Variants in SUMF1 observed in about 807,000 individuals in gnomAD.
SUMF1 encodes the protein formylglycine-generating enzyme.
In SUMF1, 48 loss-of-function variants were observed where a neutral mutation model predicts 47.6. The ratio of observed to expected loss-of-function variants is 1.01; its 90% CI spans 0.80 to 1.28. The LOEUF is 1.28. Among genes scored for constraint, SUMF1 ranks in the 50% most tolerant of loss-of-function variants. The pLI is 0.00. For synonymous variants in SUMF1, 230 were observed against 192.1 expected (o/e 1.20, Z -1.63); for missense variants, 571 against 485.4 (o/e 1.18, Z -1.66).
chr3:4,040,723 T>C (rs2125017230), intron 9 of SUMF1, among the ~76,000 whole-genome samples: 1 of 152,312 alleles, frequency 6.6e-6, no homozygotes. Context: ...GACAGTGAGC[T>C]TAATACAGTT....
At chr3:4,258,059 A>C (rs1454840043) in intron 8 of SUMF1, among the ~76,000 whole-genome samples, 4 of 151,654 alleles carry the variant, frequency 2.6e-5, no homozygotes, top group Non-Finnish European at 4.4e-5. Context: ...GGCTAGCCAT[A>C]TGCAGAAAGC....
At chr3:4,442,133 G>A (rs1316683934) in intron 3 of SUMF1, among the ~76,000 whole-genome samples, 3 of 152,198 alleles carry the variant, frequency 2.0e-5, no homozygotes, top group Admixed American at 6.5e-5. Context: ...GGAAAGCATG[G>A]AGGGACAGTT....
intron 9 of SUMF1, among the ~76,000 whole-genome samples, chr3:4,050,762 A>AG (rs1465368299): frequency 6.6e-6 from 1 of 151,010 alleles, no homozygotes; most frequent in Non-Finnish European, 1.5e-5. Context: ...AAAAAAAAAA[A>AG]AAAAGAAAGA....
intron 8 of SUMF1, among the ~76,000 whole-genome samples, chr3:4,271,541 G>T (rs1256579577): frequency 6.6e-6 from 1 of 152,002 alleles, no homozygotes; most frequent in African/African-American, 2.4e-5. Flanking sequence ...TCTCAACATT[G>T]CCCAGGCTGG....
intron 8 of SUMF1, among the ~76,000 whole-genome samples, chr3:4,168,914 C>T (rs1694770454): frequency 6.6e-6 from 1 of 152,142 alleles, no homozygotes. Flanking sequence ...ACTAATTGAG[C>T]ACATGCTATA....
intron 8 of SUMF1, among the ~76,000 whole-genome samples, chr3:4,300,171 T>C (rs1697934287): frequency 6.6e-6 from 1 of 152,156 alleles, no homozygotes; most frequent in Non-Finnish European, 1.5e-5. Context: ...TCTCACAAGA[T>C]CCGGTCATTT....
At chr3:4,336,179 T>C (rs1699149524) in intron 8 of SUMF1, among the ~76,000 whole-genome samples, 1 of 152,042 alleles carries the variant, frequency 6.6e-6, no homozygotes, top group Non-Finnish European at 1.5e-5. Flanking sequence ...AGGAGCATCT[T>C]TGACCTATGA....
At chr3:4,067,307 T>A (rs1254316401) in intron 9 of SUMF1, among the ~76,000 whole-genome samples, 1 of 152,180 alleles carries the variant, frequency 6.6e-6, no homozygotes, top group South Asian at 2.1e-4. Context: ...GGGATGACAC[T>A]ATATTCTAGC....
intron 9 of SUMF1, among the ~76,000 whole-genome samples, chr3:4,041,360 C>A (rs2125017684): frequency 6.6e-6 from 1 of 152,322 alleles, no homozygotes; most frequent in South Asian, 2.1e-4. Context: ...GCATGAGCCA[C>A]AGCACCCAGT....
chr3:4,224,455 T>G (rs749222414), intron 8 of SUMF1, among the ~76,000 whole-genome samples: 2 of 152,028 alleles, frequency 1.3e-5, no homozygotes, highest in African/African-American at 2.4e-5. Context: ...TAACAAACCC[T>G]GCCATGTGCA....
At chr3:4,068,611 A>T (rs748614903) in exon 9 of SUMF1, 63 of 420,958 alleles carry the variant, frequency 1.5e-4, no homozygotes, top group Non-Finnish European at 1.6e-4. Context: ...AACGTTCAAT[A>T]GCTGCATATT....
chr3:4,066,299 T>G (rs1312554498), intron 9 of SUMF1, among the ~76,000 whole-genome samples: 1 of 151,934 alleles, frequency 6.6e-6, no homozygotes, highest in East Asian at 1.9e-4. Flanking sequence ...CAAAAGATGG[T>G]TTTCATAAAA....
At chr3:4,407,259 T>A (rs891233229) in intron 7 of SUMF1, among the ~76,000 whole-genome samples, 9 of 152,194 alleles carry the variant, frequency 5.9e-5, no homozygotes, top group African/African-American at 2.2e-4. Flanking sequence ...TAACTTTTGC[T>A]CCCTGGAAAT....
chr3:4,458,786 G>T (rs1442985020), intron 1 of SUMF1, among the ~76,000 whole-genome samples: 1 of 152,124 alleles, frequency 6.6e-6, no homozygotes, highest in African/African-American at 2.4e-5. Context: ...AACCTGGGAG[G>T]CGGAGCTTGC....
chr3:4,190,232 G>A (rs1452671576), intron 8 of SUMF1, among the ~76,000 whole-genome samples: 3 of 151,430 alleles, frequency 2.0e-5, no homozygotes, highest in Non-Finnish European at 4.4e-5. Flanking sequence ...ATTAACACAG[G>A]AGCAGCTGGA....
intron 8 of SUMF1, among the ~76,000 whole-genome samples, chr3:4,135,575 G>A (rs915182606): frequency 2.0e-5 from 3 of 152,148 alleles, no homozygotes; most frequent in African/African-American, 7.2e-5. Flanking sequence ...AGACAGGGAT[G>A]CCCTCTGTCA....
chr3:4,411,142 AT>A (rs369666861), intron 6 of SUMF1, among the ~76,000 whole-genome samples, 164 bp from the exon 7 acceptor site: 85 of 149,456 alleles, frequency 5.7e-4, no homozygotes, highest in South Asian at 3.0e-3. Context: ...AGAAAGGGGC[AT>A]TTTTTTTTTG....
At chr3:4,219,099 AC>A (rs1696006109) in intron 8 of SUMF1, among the ~76,000 whole-genome samples, 1 of 151,484 alleles carries the variant, frequency 6.6e-6, no homozygotes, top group Non-Finnish European at 1.5e-5. Flanking sequence ...CCCCCATACC[AC>A]CCCCACACAG....
rs200999296 is a variant in SUMF1, at chr3:4,198,023, T to C, written c.1015-129278A>G. Among the ~76,000 whole-genome samples the C allele has an allele frequency of 6.6e-4, 75 of 113,290 alleles. 1 individual carries two copies. The East Asian group carries it at 0.02, about 29-fold the overall frequency. 74.3% of individuals were successfully genotyped at this position (113,290 alleles called of 152,430 possible). On this transcript the variant is annotated intron_variant and NMD_transcript_variant, in intron 8 of 12. Coordinates refer to the SUMF1 transcript ENST00000448413. ...TTAAGTTGATGGGTTTTTGTGTTTG[T>C]TTTAGGCTTTTTTTTTTTTTTTCGG... is the stretch of plus-strand genomic sequence containing the variant.
Sources: allele counts gnomAD v4.1 joint callset (sites outside exome capture counted in the v4.1 genomes callset), GRCh38; gene constraint gnomAD v4.1.1; transcripts MANE v1.5; gene names NCBI Gene and HGNC (gene_info 2026-07-23, HGNC 2026-07-21).